Variants in PCBP3 observed in about 807,000 individuals in gnomAD.
PCBP3 encodes the protein poly(rC) binding protein 3, also known as poly(rC)-binding protein 3.
PCBP3 carries 25 observed loss-of-function variants against 52.7 expected under a neutral mutation model. That is an observed-to-expected ratio of 0.47 (90% CI 0.35 to 0.66). The LOEUF is 0.66. PCBP3 is among the 30% of genes least tolerant of loss of function. PCBP3 has a pLI of 0.01. For missense variants in PCBP3, 391 were observed against 490.3 expected, an observed-to-expected ratio of 0.80 and a Z score of 1.91; for synonymous variants, 162 against 183.0, an observed-to-expected ratio of 0.89 and a Z score of 0.93.
At chr21:45,679,765 T>C (rs750278132) in intron 2 of PCBP3, among the ~76,000 whole-genome samples, 43 of 152,230 alleles carry the variant, frequency 2.8e-4, no homozygotes, top group Non-Finnish European at 4.4e-4. Flanking sequence ...GAATCATGTT[T>C]GGTGTTAAGT....
intron 2 of PCBP3, among the ~76,000 whole-genome samples, chr21:45,730,921 T>G (rs571666981): frequency 1.6e-4 from 25 of 152,304 alleles, no homozygotes; most frequent in Non-Finnish European, 3.7e-4. Flanking sequence ...ATGTTTATAT[T>G]TAAAGTGGGT....
intron 5 of PCBP3, among the ~76,000 whole-genome samples, chr21:45,879,106 C>T (rs2095338819): frequency 1.3e-5 from 2 of 152,174 alleles, no homozygotes; most frequent in Admixed American, 1.3e-4. Context: ...CCATCTCAGC[C>T]TCCCAGCAGC....
chr21:45,738,018 T>C (rs1331062678), intron 3 of PCBP3, among the ~76,000 whole-genome samples: 2 of 152,124 alleles, frequency 1.3e-5, no homozygotes, highest in African/African-American at 4.8e-5. Flanking sequence ...CACAGGTGCC[T>C]TCCCTGGGCT....
At chr21:45,672,172 A>C (rs535066437) in intron 2 of PCBP3, among the ~76,000 whole-genome samples, 1 of 152,116 alleles carries the variant, frequency 6.6e-6, no homozygotes, top group East Asian at 1.9e-4. Context: ...GAGCTAGCAC[A>C]CTCAGCCCCT....
intron 4 of PCBP3, chr21:45,760,826 C>G (rs1473563403): frequency 6.6e-6 from 1 of 152,184 alleles, no homozygotes; most frequent in Non-Finnish European, 1.5e-5. Context: ...TGGCTCATGC[C>G]TGTAATCCCA....
At chr21:45,705,298 C>A (rs568575305) in intron 2 of PCBP3, among the ~76,000 whole-genome samples, 1 of 152,306 alleles carries the variant, frequency 6.6e-6, no homozygotes, top group East Asian at 1.9e-4. Context: ...AGGCCCCACC[C>A]TTGTGAGCAG....
At chr21:45,694,594 G>GAATA (rs1197949453) in intron 2 of PCBP3, among the ~76,000 whole-genome samples, 4 of 152,070 alleles carry the variant, frequency 2.6e-5, no homozygotes, top group Admixed American at 2.0e-4. Flanking sequence ...CTGAAAAGAG[G>GAATA]AATAAATAAA....
intron 5 of PCBP3, chr21:45,859,904 G>C (rs2148415742): frequency 6.6e-6 from 1 of 152,376 alleles, no homozygotes; most frequent in East Asian, 1.9e-4. Flanking sequence ...GGCTGCTCCT[G>C]GGGAACACAG....
At chr21:45,684,276 A>G (rs1287244730) in intron 2 of PCBP3, among the ~76,000 whole-genome samples, 1 of 152,172 alleles carries the variant, frequency 6.6e-6, no homozygotes, top group Non-Finnish European at 1.5e-5. Flanking sequence ...GTGGAAGTAT[A>G]TGTTAAATCA....
At chr21:45,646,107 C>CTCTCTCTGTGTGTGTGTGTGTGTG (rs1555895746) in intron 1 of PCBP3, among the ~76,000 whole-genome samples, 1 of 83,824 alleles carries the variant, frequency 1.2e-5, no homozygotes, top group East Asian at 3.5e-4. Flanking sequence ...CTCTCTCTCT[C>CTCTCTCTGTGTGTGTGTGTGTGTG]TGTGTGTGTG....
chr21:45,710,025 A>G (rs1490273282), intron 2 of PCBP3, among the ~76,000 whole-genome samples: 2 of 152,198 alleles, frequency 1.3e-5, no homozygotes, highest in Admixed American at 6.5e-5. Flanking sequence ...TGCCAGTTCT[A>G]TCACTGTCAG....
intron 2 of PCBP3, among the ~76,000 whole-genome samples, chr21:45,721,006 T>C (rs2148316517): frequency 6.6e-6 from 1 of 152,392 alleles, no homozygotes; most frequent in African/African-American, 2.4e-5. Context: ...CCCCAGATGT[T>C]TGAAGGTACC....
chr21:45,870,384 C>T (rs1327423031), intron 5 of PCBP3, among the ~76,000 whole-genome samples: 2 of 152,194 alleles, frequency 1.3e-5, no homozygotes, highest in Non-Finnish European at 2.9e-5. Context: ...TATCATCTTA[C>T]CTGTGATGAC....
intron 4 of PCBP3, among the ~76,000 whole-genome samples, chr21:45,844,009 A>T (rs563690185): frequency 1.3e-5 from 2 of 152,062 alleles, no homozygotes; most frequent in African/African-American, 4.8e-5. Context: ...GGGGCCTGTG[A>T]CCTCTGACCT....
At chr21:45,878,084 C>T (rs1264746605) in intron 5 of PCBP3, among the ~76,000 whole-genome samples, 1 of 152,256 alleles carries the variant, frequency 6.6e-6, no homozygotes, top group Non-Finnish European at 1.5e-5. Context: ...GAGGGAGCTC[C>T]TGCTGGTTGG....
intron 4 of PCBP3, among the ~76,000 whole-genome samples, chr21:45,795,856 T>C (rs932374462): frequency 5.3e-5 from 8 of 152,212 alleles, no homozygotes; most frequent in African/African-American, 1.9e-4. Context: ...TGTGAAACCT[T>C]AAAACTTGGG....
intron 13 of PCBP3, among the ~76,000 whole-genome samples, chr21:45,926,587 C>A (rs188154903): frequency 6.6e-6 from 1 of 152,052 alleles, no homozygotes; most frequent in Non-Finnish European, 1.5e-5. Context: ...GGAAGGAAGC[C>A]GTCTATGAGA....
chr21:45,733,711 C>T (rs1166364238), intron 2 of PCBP3, among the ~76,000 whole-genome samples: 1 of 152,166 alleles, frequency 6.6e-6, no homozygotes, highest in Admixed American at 6.5e-5. Context: ...AGCAATTCTC[C>T]TGCTTCAGCC....
At chr21:45,840,339 C>T (rs888649019) in intron 4 of PCBP3, among the ~76,000 whole-genome samples, 2 of 151,404 alleles carry the variant, frequency 1.3e-5, no homozygotes, top group African/African-American at 4.9e-5. Flanking sequence ...CGCCTGTAGT[C>T]CCAGCTACTC....
Sources: gnomAD v4.1 joint callset for allele counts (sites outside exome capture counted in the v4.1 genomes callset) on GRCh38, gnomAD v4.1.1 for gene constraint, MANE v1.5 for transcripts, NCBI Gene and HGNC (gene_info 2026-07-23, HGNC 2026-07-21) for gene names.